ABCG5: variants seen among roughly 807,000 people sequenced by gnomAD.
The protein encoded by ABCG5 is ATP binding cassette subfamily G member 5.
In ABCG5, 64 loss-of-function variants were observed where a neutral mutation model predicts 64.5. The ratio of observed to expected loss-of-function variants is 0.99; its 90% CI spans 0.81 to 1.22. The LOEUF (loss-of-function observed/expected upper bound fraction) is 1.22, where lower values mean the gene tolerates loss of function less well. ABCG5 is among the 50% of genes most tolerant of loss of function. ABCG5 has a pLI of 0.00. For synonymous variants in ABCG5, 385 were observed against 326.3 expected (o/e 1.18, Z -1.94); for missense variants, 908 against 829.5 (o/e 1.09, Z -1.16).
intron 11 of ABCG5, among the ~76,000 whole-genome samples, chr2:43,818,422 C>T (rs905535506): frequency 2.0e-4 from 30 of 152,112 alleles, no homozygotes; most frequent in African/African-American, 6.5e-4. Flanking sequence ...TCAGCCTGGG[C>T]GGCAGAGTGA....
At position 43,812,701 on chromosome 2, in the gene ABCG5, T is replaced by C. The variant is rs1666545956; in HGVS notation, c.*415A>G. 1 of 202,642 alleles carries C rather than the reference T, an allele frequency of 4.9e-6. No homozygotes were observed. Among genetic ancestry groups the C allele is most frequent in the African/African-American group, 2.4e-5 (1 of 42,160 alleles). 12.6% of individuals were successfully genotyped at this position (202,642 alleles called of 1,614,324 possible). Reference sequence around the variant, plus strand: ...TGCTTCATCTAAACCCACAACTCTCTTTCTCTGTCACTTATGGTCAGGAAT... The same window carrying C: ...TGCTTCATCTAAACCCACAACTCTCCTTCTCTGTCACTTATGGTCAGGAAT... On this transcript the variant is annotated 3_prime_UTR_variant, in exon 13 of 13. Transcript: ENST00000405322.
In ABCG5 at chr2:43,828,959, C is replaced by T. The variant is rs532253597; in HGVS notation, c.502-844G>A. On this transcript the variant is annotated intron_variant, in intron 4 of 12. Transcript: ENST00000405322. The stretch of plus-strand genomic sequence containing the variant: ...CAACCTGGGTGACAGAGCGAGACTC[C>T]GATTCAAAAAAAATAATAATAAATA... 5.3e-5 allele frequency among the ~76,000 whole-genome samples: 8 copies of T among 150,402 alleles called. No homozygotes were observed. In the South Asian group the frequency reaches 8.4e-4, roughly 16 times the overall value.
chr2:43,839,143 A>C, upstream of ABCG5: 1 of 1,550,732 alleles, frequency 6.4e-7, no homozygotes, highest in East Asian at 2.4e-5. Context: ...AAGTCGGCCC[A>C]GGCCTGGTGG....
intron 2 of ABCG5, chr2:43,832,678 G>A (rs1275055602): frequency 1.9e-5 from 3 of 157,712 alleles, no homozygotes; most frequent in Admixed American, 1.2e-4. Flanking sequence ...CCTTTGGTAA[G>A]ACCAAGTTGG....
chr2:43,837,861 G>T lies in ABCG5; in HGVS notation c.238C>A (p.Gln80Lys), dbSNP rs373819340. The T allele has an allele frequency of 9.9e-5, 160 of 1,613,906 alleles. No individual in the cohort carries two copies. Among genetic ancestry groups the T allele is most frequent in the Middle Eastern group, 3.3e-4 (2 of 6,080 alleles). Reference sequence around the variant, plus strand: ...GAGCTTCCTAGGATGCACATGATCTGCCCGCTCTCCACGTACAAGGAGACA... The same window carrying T: ...GAGCTTCCTAGGATGCACATGATCTTCCCGCTCTCCACGTACAAGGAGACA... ...KDVSLYVESG[Q>K]IMCILGSSGS... The change falls in exon 2 of 13, where the codon CAG becomes AAG. Residue 80 changes from glutamine to lysine, a missense_variant. Coordinates refer to ENST00000405322, the MANE Select transcript of ABCG5 (RefSeq NM_022436.3).
intron 7 of ABCG5, 96 bp from the exon 8 acceptor site, chr2:43,824,528 T>A (rs887691711): frequency 5.0e-6 from 8 of 1,592,784 alleles, no homozygotes; most frequent in African/African-American, 2.7e-5. Flanking sequence ...CCATAATACC[T>A]CATCCCATCA....
At chr2:43,826,294 C>G (rs1667596685) in intron 6 of ABCG5, 88 bp downstream of exon 6, 1 of 1,595,550 alleles carries the variant, frequency 6.3e-7, no homozygotes, top group African/African-American at 1.3e-5. Context: ...GCCACTGTGC[C>G]TGGCCACTGG....
intron 12 of ABCG5, among the ~76,000 whole-genome samples, chr2:43,813,708 C>CTTTTT (rs1558715512): frequency 8.5e-5 from 3 of 35,374 alleles, no homozygotes; most frequent in Non-Finnish European, 1.1e-4. Flanking sequence ...TTTTTTTTTT[C>CTTTTT]GTTTTTTTTT....
At chr2:43,826,664 T>C in intron 5 of ABCG5, 143 bp from the exon 6 acceptor site, 2 of 1,321,278 alleles carry the variant, frequency 1.5e-6, no homozygotes, top group Non-Finnish European at 2.1e-6. Flanking sequence ...TAAACTGGCT[T>C]TCAGCCTGAG....
At chr2:43,821,733 T>C (rs147461517) in intron 10 of ABCG5, among the ~76,000 whole-genome samples, 2 of 152,334 alleles carry the variant, frequency 1.3e-5, no homozygotes, top group African/African-American at 4.8e-5. Flanking sequence ...GCATGTCCCA[T>C]GATGACTGAT....
chr2:43,815,873 G>A (rs1266033841), intron 11 of ABCG5, among the ~76,000 whole-genome samples: 1 of 145,264 alleles, frequency 6.9e-6, no homozygotes, highest in Non-Finnish European at 1.5e-5. Context: ...CCAGCAAGAA[G>A]GATGGCTAGA....
At chr2:43,831,198 A>T (rs1458491189) in intron 4 of ABCG5, among the ~76,000 whole-genome samples, 1 of 152,164 alleles carries the variant, frequency 6.6e-6, no homozygotes, top group Non-Finnish European at 1.5e-5. Context: ...GGAGAGACAG[A>T]GTCTCTTTTT....
chr2:43,832,083 C>G lies in ABCG5; in HGVS notation c.266G>C (p.Gly89Ala), dbSNP rs886056031. Residue 89 changes from glycine to alanine, a missense_variant and splice_region_variant, in exon 3 of 13, where the codon GGC (glycine) becomes GCC (alanine). By Grantham distance (60) the Gly-to-Ala change is moderately conservative (BLOSUM62 0). Coordinates refer to ENST00000405322, the MANE Select transcript of ABCG5 (RefSeq NM_022436.3). Reference protein sequence around the residue: ...GQIMCILGSSGSGKTTLLDAM... With the variant: ...GQIMCILGSSASGKTTLLDAM... ...GTCCAGCAGCGTGGTTTTCCCGGAG[C>G]CTGCGGGGCGACAACAGAAGGCCCT... 7 of 1,577,174 alleles carry G rather than the reference C, an allele frequency of 4.4e-6. No homozygotes were observed. The highest frequency in any genetic ancestry group is 6.0e-6 in the Non-Finnish European group (7 of 1,161,964).
At chr2:43,822,127 C>T (rs1230596814) in intron 10 of ABCG5, among the ~76,000 whole-genome samples, 1 of 152,160 alleles carries the variant, frequency 6.6e-6, no homozygotes, top group Non-Finnish European at 1.5e-5. Flanking sequence ...CTTCATCCTA[C>T]CCTGTAACAC....
At position 43,828,006 on chromosome 2, in the gene ABCG5, G is replaced by A. The variant is rs1371490725; in HGVS notation, c.611C>T (p.Ala204Val). ...STGERRRVSI[A>V]AQLLQDPKVM... ...ACTAGGATCCTGGAGCAGCTGGGCTGCGATGGAGACCCGGCGCCGCTCACC... is the reference window on the plus strand; with the variant it reads ...ACTAGGATCCTGGAGCAGCTGGGCTACGATGGAGACCCGGCGCCGCTCACC... Residue 204 changes from alanine (A) to valine (V), a missense_variant, in exon 5 of 13, where the codon GCA becomes GTA. Ala to Val is a moderately conservative substitution (Grantham distance 64, BLOSUM62 0). Coordinates refer to ENST00000405322, the MANE Select transcript of ABCG5 (RefSeq NM_022436.3). 6.2e-7 allele frequency: 1 copy of A among 1,614,136 alleles called. No homozygotes were observed.
intron 2 of ABCG5, among the ~76,000 whole-genome samples, chr2:43,834,747 G>A (rs756629838): frequency 3.9e-5 from 6 of 152,236 alleles, no homozygotes; most frequent in Non-Finnish European, 7.3e-5. Flanking sequence ...CTGCAAAGAA[G>A]CATCTAACCC....
chr2:43,813,696 G>GTTTTTTTTTTTTT (rs1558715412), intron 12 of ABCG5, among the ~76,000 whole-genome samples: 1 of 119,550 alleles, frequency 8.4e-6, no homozygotes, highest in African/African-American at 3.4e-5. Flanking sequence ...TTTTTTTTGG[G>GTTTTTTTTTTTTT]GTTTTTTTTT....
chr2:43,808,750 A>G (rs1666366279), downstream of ABCG5, among the ~76,000 whole-genome samples: 1 of 152,232 alleles, frequency 6.6e-6, no homozygotes, highest in East Asian at 1.9e-4. Context: ...GGCACACATT[A>G]TGTTTTCATG....
downstream of ABCG5, among the ~76,000 whole-genome samples, chr2:43,809,549 C>G (rs1666405208): frequency 6.6e-6 from 1 of 152,154 alleles, no homozygotes; most frequent in Non-Finnish European, 1.5e-5. Context: ...AAGTCCTAAG[C>G]ATAATCATTT....
Sources: gnomAD v4.1 joint callset for allele counts (sites outside exome capture counted in the v4.1 genomes callset) on GRCh38, gnomAD v4.1.1 for gene constraint, MANE v1.5 for transcripts, NCBI Gene and HGNC (gene_info 2026-07-23, HGNC 2026-07-21) for gene names.